Variants in KCNK2 observed in about 807,000 individuals in gnomAD.
KCNK2 encodes potassium channel subfamily K member 2.
A neutral mutation model predicts 40.5 loss-of-function variants in KCNK2; 21 were observed. The observed-to-expected ratio is 0.52, with a 90% CI of 0.37 to 0.75. The LOEUF is 0.75. Ranked by LOEUF, KCNK2 falls within the 30% of genes least tolerant of loss-of-function variation. The pLI, the probability that KCNK2 is intolerant of heterozygous loss-of-function variation, is 0.00. For missense variants in KCNK2, 399 were observed against 531.6 expected (o/e 0.75, Z 2.45); for synonymous variants, 191 against 202.2 (o/e 0.94, Z 0.47).
intron 1 of KCNK2, among the ~76,000 whole-genome samples, chr1:215,058,016 A>G (rs191027693): frequency 4.2e-4 from 64 of 152,280 alleles, no homozygotes; most frequent in Middle Eastern, 6.8e-3. Flanking sequence ...TGAGAATAAT[A>G]AAGAGATGGA....
intron 2 of KCNK2, among the ~76,000 whole-genome samples, chr1:215,107,545 G>A (rs1660486463): frequency 6.6e-6 from 1 of 152,076 alleles, no homozygotes; most frequent in African/African-American, 2.4e-5. Context: ...GCCATCCTAA[G>A]GGGTATATGT....
intron 3 of KCNK2, among the ~76,000 whole-genome samples, chr1:215,153,666 G>A (rs765180752): frequency 1.3e-5 from 2 of 151,368 alleles, no homozygotes; most frequent in Non-Finnish European, 1.5e-5. Flanking sequence ...TGTGCAGAAC[G>A]TGCAGGTTCG....
chr1:215,211,073 T>C (rs1009708607), intron 6 of KCNK2, among the ~76,000 whole-genome samples: 5 of 152,050 alleles, frequency 3.3e-5, no homozygotes, highest in Non-Finnish European at 5.9e-5. Flanking sequence ...GAAACATGAG[T>C]CGTATCATGT....
intron 3 of KCNK2, among the ~76,000 whole-genome samples, chr1:215,148,403 A>T (rs965938299): frequency 1.3e-5 from 2 of 151,810 alleles, no homozygotes; most frequent in African/African-American, 2.4e-5. Flanking sequence ...TGTTTTTTTT[A>T]AATATGTACG....
In KCNK2 at chr1:215,094,319, G is replaced by A. The variant is rs567087572; in HGVS notation, c.357+7641G>A. On this transcript the variant is annotated intron_variant, in intron 2 of 6. Transcript: ENST00000444842. The stretch of plus-strand genomic sequence containing the variant: ...CCCATAAATACTTTCTGTCCTTTCG[G>A]TTAATCTCTGGAAAAAAGCACTTTA... Among the ~76,000 whole-genome samples the A allele has an allele frequency of 2.6e-5, 4 of 152,058 alleles. No homozygotes were observed. The South Asian group carries it at 8.3e-4, about 32-fold the overall frequency.
intron 5 of KCNK2, among the ~76,000 whole-genome samples, chr1:215,188,876 A>G (rs1558131084): frequency 6.6e-6 from 1 of 152,082 alleles, no homozygotes. Context: ...GAGATGTTTT[A>G]TATTCATTGG....
intron 1 of KCNK2, among the ~76,000 whole-genome samples, chr1:215,036,948 G>A (rs868598566): frequency 6.7e-6 from 1 of 148,642 alleles, no homozygotes; most frequent in South Asian, 2.1e-4. Flanking sequence ...ACTAAGTGAT[G>A]CCATCTGTAG....
chr1:215,197,290 T>G (rs1026260176), intron 6 of KCNK2, among the ~76,000 whole-genome samples: 3 of 152,282 alleles, frequency 2.0e-5, no homozygotes, highest in African/African-American at 7.2e-5. Context: ...TAGGACGGAC[T>G]GGGTGTTATA....
intron 5 of KCNK2, among the ~76,000 whole-genome samples, chr1:215,182,479 C>G (rs1458153323): frequency 6.6e-6 from 1 of 152,114 alleles, no homozygotes; most frequent in East Asian, 1.9e-4. Flanking sequence ...AGGGGAGCAT[C>G]CTGGGCACTC....
chr1:215,022,089 G>T lies in KCNK2; in HGVS notation c.34+16134G>T, dbSNP rs373783477. 3.9e-3 allele frequency among the ~76,000 whole-genome samples: 149 copies of T among 38,314 alleles called. 5 individuals are homozygous for T. In the South Asian group the frequency reaches 0.11, roughly 29 times the overall value. 25.1% of individuals were successfully genotyped at this position (38,314 alleles called of 152,430 possible). On this transcript the variant is annotated intron_variant, in intron 1 of 6. Coordinates refer to the KCNK2 transcript ENST00000391895. ...GCATCCATAATCATGTGAGCCAATT[G>T]CCACAATAAATCCCCTCCTATCTAT...
chr1:215,149,892 T>G (rs927156136), intron 3 of KCNK2, among the ~76,000 whole-genome samples: 1 of 152,188 alleles, frequency 6.6e-6, no homozygotes, highest in African/African-American at 2.4e-5. Context: ...AGAGACTGCC[T>G]GAGTAGAATG....
chr1:215,054,557 G>T (rs1331510574), intron 1 of KCNK2, among the ~76,000 whole-genome samples: 2 of 152,142 alleles, frequency 1.3e-5, no homozygotes, highest in Admixed American at 1.3e-4. Context: ...CACACCCACC[G>T]CTGTTCTACC....
intron 3 of KCNK2, among the ~76,000 whole-genome samples, chr1:215,138,925 T>C (rs1662045457): frequency 6.6e-6 from 1 of 152,198 alleles, no homozygotes; most frequent in Admixed American, 6.5e-5. Context: ...GAAGGGCATA[T>C]AAATCAAGGC....
chr1:215,054,342 A>G (rs1221688962), intron 1 of KCNK2, among the ~76,000 whole-genome samples: 2 of 152,196 alleles, frequency 1.3e-5, no homozygotes, highest in African/African-American at 4.8e-5. Context: ...CTCTGATTGC[A>G]GAAACCCCCA....
intron 3 of KCNK2, among the ~76,000 whole-genome samples, chr1:215,147,948 T>C (rs924347258): frequency 3.3e-5 from 5 of 152,188 alleles, no homozygotes; most frequent in African/African-American, 1.2e-4. Flanking sequence ...TAAATGTATG[T>C]TGCTCTTTTT....
intron 6 of KCNK2, among the ~76,000 whole-genome samples, chr1:215,219,571 G>C (rs1209350105): frequency 6.6e-6 from 1 of 152,100 alleles, no homozygotes; most frequent in African/African-American, 2.4e-5. Flanking sequence ...GCAGAATTTT[G>C]ATTCATCCCA....
chr1:215,156,526 G>T (rs566165182), intron 3 of KCNK2, among the ~76,000 whole-genome samples: 1 of 152,122 alleles, frequency 6.6e-6, no homozygotes, highest in Non-Finnish European at 1.5e-5. Flanking sequence ...CTGGCTGATG[G>T]GGAAAAAGAT....
intron 5 of KCNK2, 73 bp from the exon 6 acceptor site, chr1:215,194,880 A>G (rs972405923): frequency 7.1e-7 from 1 of 1,413,224 alleles, no homozygotes; most frequent in African/African-American, 1.4e-5. Context: ...TTTAGTTAGT[A>G]ATTTTAGCAA....
intron 3 of KCNK2, among the ~76,000 whole-genome samples, chr1:215,143,180 A>C (rs1188628014): frequency 6.6e-6 from 1 of 152,128 alleles, no homozygotes; most frequent in Non-Finnish European, 1.5e-5. Context: ...TAAAACAGAT[A>C]AATAGATCTA....
Sources: allele counts gnomAD v4.1 joint callset (sites outside exome capture counted in the v4.1 genomes callset), GRCh38; gene constraint gnomAD v4.1.1; transcripts MANE v1.5; gene names NCBI Gene and HGNC (gene_info 2026-07-23, HGNC 2026-07-21).